Variants in CNTNAP3B observed in about 807,000 individuals in gnomAD.
The protein encoded by CNTNAP3B is contactin-associated protein-like 3B.
A neutral mutation model predicts 108.9 loss-of-function variants in CNTNAP3B; 25 were observed. The ratio of observed to expected loss-of-function variants is 0.23; its 90% CI spans 0.17 to 0.32. The LOEUF (loss-of-function observed/expected upper bound fraction) is 0.32. Ranked by LOEUF, CNTNAP3B falls within the 10% of genes least tolerant of loss-of-function variation. CNTNAP3B has a pLI of 1.00. For synonymous variants in CNTNAP3B, 103 were observed against 473.4 expected, an observed-to-expected ratio of 0.22 and a Z score of 10.16; for missense variants, 252 against 1,210.4, an observed-to-expected ratio of 0.21 and a Z score of 11.75.
At chr9:41,939,699 C>T (rs983092246) in intron 13 of CNTNAP3B, among the ~76,000 whole-genome samples, 7 of 152,276 alleles carry the variant, frequency 4.6e-5, no homozygotes, top group African/African-American at 7.2e-5. Context: ...GAGCAAAACA[C>T]TCATTATATC....
chr9:41,953,333 G>A lies in CNTNAP3B; in HGVS notation c.1930C>T (p.Arg644Ter). The change falls in exon 13 of 24, where the codon CGA (arginine) becomes TGA (stop). Residue 644 changes from arginine (R) to a stop codon, truncating the protein, a stop_gained. Coordinates refer to ENST00000377561, the MANE Select transcript of CNTNAP3B (RefSeq NM_001201380.3). LOFTEE classifies it high-confidence loss of function. Reference protein sequence around the residue: ...RHGGPDAVTLRGAPSGHPLSA... With the variant: ...RHGGPDAVTL ...AGCGGGTGCCCGCTGGGGGCACCTC[G>A]GAGGGTCACCGCGTCGGGGCCACCG... is the stretch of plus-strand genomic sequence containing the variant. 11 of 1,551,276 alleles carry A rather than the reference G, an allele frequency of 7.1e-6. No individual in the cohort carries two copies. The highest frequency in any genetic ancestry group is 2.3e-5 in the South Asian group (2 of 85,400).
intron 3 of CNTNAP3B, among the ~76,000 whole-genome samples, chr9:42,030,829 AGAGAGAGAGAGAGAGAGATGTGTGCTAT>A: frequency 1.6e-5 from 2 of 125,654 alleles, no homozygotes; most frequent in Non-Finnish European, 3.3e-5. Context: ...AGAGAGAGAG[AGAGAGAGAGAGAGAGAGATGTGTGCTAT>A]GATTTAGGGT....
chr9:41,986,223 A>G lies in CNTNAP3B; in HGVS notation c.1422T>C (p.Ala474=), dbSNP rs771770646. 2.7e-6 allele frequency: 3 copies of G among 1,097,762 alleles called. 1 individual carries two copies. Among genetic ancestry groups the G allele is most frequent in the Non-Finnish European group, 3.7e-6 (3 of 817,874 alleles). The allele number at this position is 1,097,762 out of a possible 1,614,324, so 68.0% of individuals were successfully genotyped here. The part of the protein sequence containing the change: ...HMNVVVDDDT[A]VQPLVAVLID... ...TGAGCACAGCCACCAGGGGCTGAAC[A>G]GCTGTGTCATCATCCACCACCACAT... Residue 474 remains alanine, a synonymous_variant, in exon 9 of 24, where the codon GCT becomes GCC. Transcript: ENST00000377561.
At chr9:41,964,074 A>T (rs1438690431) in intron 11 of CNTNAP3B, among the ~76,000 whole-genome samples, 1 of 152,304 alleles carries the variant, frequency 6.6e-6, no homozygotes, top group Non-Finnish European at 1.5e-5. Context: ...GCCATGTACA[A>T]TCCCATGATT....
At chr9:41,934,475 C>A (rs1457214425) in intron 14 of CNTNAP3B, among the ~76,000 whole-genome samples, 5 of 152,270 alleles carry the variant, frequency 3.3e-5, no homozygotes, top group Non-Finnish European at 5.9e-5. Context: ...CCCGCCTCGG[C>A]CTCCCAAAGT....
chr9:41,996,419 AAATT>A, intron 6 of CNTNAP3B, 71 bp from the exon 7 acceptor site: 1 of 1,054,564 alleles, frequency 9.5e-7, no homozygotes, highest in Non-Finnish European at 1.3e-6. Context: ...AAGCATTTAT[AAATT>A]AATAGGTCTA....
At chr9:41,967,321 A>G (rs1178386044) in intron 10 of CNTNAP3B, among the ~76,000 whole-genome samples, 3 of 152,226 alleles carry the variant, frequency 2.0e-5, no homozygotes, top group Admixed American at 6.5e-5. Context: ...GTCTCACGAG[A>G]TCTGATGGTT....
intron 3 of CNTNAP3B, among the ~76,000 whole-genome samples, chr9:42,064,983 AT>A (rs1318699491): frequency 5.5e-5 from 8 of 145,776 alleles, no homozygotes; most frequent in Admixed American, 4.8e-4. Context: ...CAGTAATGGG[AT>A]TGCTAGGTTG....
At chr9:41,982,025 T>C (rs1587173792) in intron 9 of CNTNAP3B, among the ~76,000 whole-genome samples, 1 of 67,960 alleles carries the variant, frequency 1.5e-5, no homozygotes, top group Non-Finnish European at 2.5e-5. Context: ...GTCATTGCAC[T>C]CCAGCCTGGG....
chr9:42,019,760 CA>C (rs71251465), intron 3 of CNTNAP3B, among the ~76,000 whole-genome samples: 14,983 of 76,092 alleles, frequency 0.2, 1,022 homozygotes, highest in East Asian at 0.48. Flanking sequence ...GACTCTATCT[CA>C]AAAAAAAAAA....
At chr9:41,925,418 C>T (rs1823788822) in intron 15 of CNTNAP3B, among the ~76,000 whole-genome samples, 3 of 152,132 alleles carry the variant, frequency 2.0e-5, no homozygotes, top group South Asian at 2.1e-4. Flanking sequence ...ACGGTGAAAC[C>T]CCGTCTCTAC....
intron 13 of CNTNAP3B, among the ~76,000 whole-genome samples, chr9:41,943,196 C>T (rs1316355953): frequency 6.6e-6 from 1 of 152,230 alleles, no homozygotes; most frequent in Non-Finnish European, 1.5e-5. Context: ...TGTAGAGTGT[C>T]TTTGATGGCC....
intron 13 of CNTNAP3B, among the ~76,000 whole-genome samples, chr9:41,952,090 T>C (rs1333539979): frequency 1.3e-5 from 2 of 152,232 alleles, no homozygotes; most frequent in African/African-American, 4.8e-5. Context: ...GAGGAAATGG[T>C]CTGGCATATT....
Position 42,108,670 on chromosome 9 carries a change from G to A in CNTNAP3B, c.86-3931C>T, listed in dbSNP as rs1460663694. Among the ~76,000 whole-genome samples the A allele has an allele frequency of 5.5e-5, 7 of 127,538 alleles. 1 individual carries two copies. The South Asian group carries it at 1.6e-3, about 28-fold the overall frequency. The allele number at this position is 127,538 out of a possible 152,430, so 83.7% of individuals were successfully genotyped here. A position where few individuals can be genotyped will look rare whatever the true frequency, so the allele number is the denominator to read the frequency against. On this transcript the variant is annotated intron_variant, in intron 1 of 23. Transcript: ENST00000377561. ...TTTGAAGATGCACGCTAGACCAGAG[G>A]GTTTTTGGCTTGCTGCACTTCCTTA...
At chr9:42,086,251 C>A (rs1827700826) in intron 2 of CNTNAP3B, among the ~76,000 whole-genome samples, 1 of 141,490 alleles carries the variant, frequency 7.1e-6, no homozygotes, top group Admixed American at 7.0e-5. Flanking sequence ...AAACCGCCCC[C>A]ATGATTCAGT....
intron 3 of CNTNAP3B, among the ~76,000 whole-genome samples, chr9:42,054,819 C>T (rs1450065257): frequency 7.3e-5 from 11 of 151,242 alleles, no homozygotes; most frequent in East Asian, 3.9e-4. Flanking sequence ...GTTTTGTAGC[C>T]GCTGTTGTTG....
chr9:42,085,768 G>A (rs1321675092), intron 2 of CNTNAP3B, among the ~76,000 whole-genome samples: 25 of 134,044 alleles, frequency 1.9e-4, no homozygotes, highest in African/African-American at 5.3e-4. Flanking sequence ...AAGGAAGAAC[G>A]CAAACTGTAA....
chr9:42,014,423 G>A (rs1326507540), intron 3 of CNTNAP3B, among the ~76,000 whole-genome samples: 3 of 87,784 alleles, frequency 3.4e-5, no homozygotes, highest in African/African-American at 8.6e-5. Flanking sequence ...ATTTATGTAT[G>A]GAACAGGCCA....
intron 2 of CNTNAP3B, among the ~76,000 whole-genome samples, chr9:42,096,154 T>C (rs71507952): frequency 5.7e-5 from 8 of 139,942 alleles, no homozygotes; most frequent in South Asian, 2.3e-4. Flanking sequence ...ATGAGGATGC[T>C]GTGCAGGCTG....
Sources: gnomAD v4.1 joint callset for allele counts (sites outside exome capture counted in the v4.1 genomes callset) on GRCh38, gnomAD v4.1.1 for gene constraint, MANE v1.5 for transcripts, NCBI Gene and HGNC (gene_info 2026-07-23, HGNC 2026-07-21) for gene names.